Variants in UBR3 observed in about 807,000 individuals in gnomAD.
UBR3 encodes E3 ubiquitin-protein ligase UBR3.
In UBR3, 85 loss-of-function variants were observed where a neutral mutation model predicts 243.2. That is an observed-to-expected ratio of 0.35 (90% confidence interval 0.29 to 0.42). The LOEUF (loss-of-function observed/expected upper bound fraction) is 0.42, where lower values mean the gene tolerates loss of function less well. UBR3 is among the 10% of genes least tolerant of loss of function. The pLI, the probability that UBR3 is intolerant of heterozygous loss-of-function variation, is 1.00. For missense variants in UBR3, 1,686 were observed against 2,300.8 expected, an observed-to-expected ratio of 0.73 and a Z score of 5.47; for synonymous variants, 748 against 799.8, an observed-to-expected ratio of 0.94 and a Z score of 1.09.
At chr2:169,882,131 ATATATT>A (rs1172800866) in intron 5 of UBR3, among the ~76,000 whole-genome samples, 3 of 129,750 alleles carry the variant, frequency 2.3e-5, no homozygotes, top group East Asian at 2.1e-4. Context: ...TATTATATAC[ATATATT>A]TATATTATAT....
chr2:169,995,143 A>T (rs2089433419), intron 26 of UBR3, among the ~76,000 whole-genome samples: 2 of 152,168 alleles, frequency 1.3e-5, no homozygotes, highest in African/African-American at 4.8e-5. Flanking sequence ...TATAAAGTAT[A>T]TGATAATTAT....
At chr2:169,855,596 T>G (rs992081636) in intron 1 of UBR3, among the ~76,000 whole-genome samples, 5 of 152,170 alleles carry the variant, frequency 3.3e-5, no homozygotes, top group Non-Finnish European at 7.3e-5. Context: ...ACAAAGCACA[T>G]CTTGCACCGC....
chr2:170,034,017 GT>G (rs1475823163), intron 31 of UBR3, among the ~76,000 whole-genome samples: 5 of 15,934 alleles, frequency 3.1e-4, no homozygotes, highest in Admixed American at 1.3e-3. Flanking sequence ...ACTTTGGTTT[GT>G]TTTTTTTTTT....
chr2:169,949,860 G>A lies in UBR3; in HGVS notation c.3340G>A (p.Asp1114Asn). Residue 1114 changes from aspartate to asparagine, a missense_variant, in exon 23 of 39, where the codon GAC (aspartate) becomes AAC (asparagine). Asp to Asn is a conservative substitution (Grantham distance 23, BLOSUM62 1). Transcript: ENST00000272793. The stretch of plus-strand genomic sequence containing the variant: ...CTCCTACTATCCTCCTTGGCTTGAT[G>A]ACATAGAAATTTTAATCCAACCAGA... ...QNSYYPPWLDDIEILIQPEIP... is the reference protein window; with the variant it reads ...QNSYYPPWLDNIEILIQPEIP... The A allele has an allele frequency of 1.9e-6, 3 of 1,592,322 alleles. No individual in the cohort carries two copies. Among genetic ancestry groups the A allele is most frequent in the Non-Finnish European group, 2.6e-6 (3 of 1,167,760 alleles).
At position 170,082,085 on chromosome 2, in the gene UBR3, G is replaced by A. The variant is rs1441907085; in HGVS notation, c.*242G>A. 1 of 316,016 alleles carries A rather than the reference G, an allele frequency of 3.2e-6. No homozygotes were observed. Among genetic ancestry groups the A allele is most frequent in the African/African-American group, 2.1e-5 (1 of 46,652 alleles). 19.6% of individuals were successfully genotyped at this position (316,016 alleles called of 1,614,324 possible). ...ATTCTTTAGTGGTCATTTTTTAAGT[G>A]CACAATTAATAAGAAGCACAACTTG... On this transcript the variant is annotated 3_prime_UTR_variant, in exon 39 of 39. Coordinates refer to ENST00000272793, the MANE Select transcript of UBR3 (RefSeq NM_172070.4).
At chr2:170,070,003 TA>T (rs1427691063) in intron 35 of UBR3, among the ~76,000 whole-genome samples, 1 of 152,120 alleles carries the variant, frequency 6.6e-6, no homozygotes, top group African/African-American at 2.4e-5. Flanking sequence ...TGTTATTTTT[TA>T]AAAAAATATT....
chr2:169,975,111 A>G (rs1200439188), intron 24 of UBR3, among the ~76,000 whole-genome samples: 1 of 152,182 alleles, frequency 6.6e-6, no homozygotes, highest in Non-Finnish European at 1.5e-5. Flanking sequence ...TGGAGGTTGC[A>G]GTAAGCAGAG....
chr2:169,902,405 G>C (rs1344737807), intron 8 of UBR3, among the ~76,000 whole-genome samples: 1 of 152,076 alleles, frequency 6.6e-6, no homozygotes, highest in African/African-American at 2.4e-5. Context: ...GAACTCTAAA[G>C]TCCTGACGCT....
At chr2:169,861,391 C>T (rs1404858011) in intron 1 of UBR3, among the ~76,000 whole-genome samples, 3 of 152,126 alleles carry the variant, frequency 2.0e-5, no homozygotes, top group Non-Finnish European at 4.4e-5. Flanking sequence ...GGGTGGATCA[C>T]GAGGTCAGGA....
At chr2:170,041,021 C>G in intron 32 of UBR3, 36 bp downstream of exon 32, 1 of 1,557,952 alleles carries the variant, frequency 6.4e-7, no homozygotes, top group Non-Finnish European at 8.8e-7. Context: ...TGATTATATA[C>G]TATGTATTTT....
chr2:169,861,378 G>A (rs1033086729), intron 1 of UBR3, among the ~76,000 whole-genome samples: 2 of 152,324 alleles, frequency 1.3e-5, no homozygotes, highest in African/African-American at 4.8e-5. Context: ...GGGAGGCCGA[G>A]GCGGGTGGAT....
At chr2:170,036,812 T>C (rs2090843856) in intron 31 of UBR3, among the ~76,000 whole-genome samples, 1 of 152,136 alleles carries the variant, frequency 6.6e-6, no homozygotes. Flanking sequence ...TTGTAATTAC[T>C]TTTCTTGACC....
intron 33 of UBR3, among the ~76,000 whole-genome samples, chr2:170,058,582 C>G (rs1477135054): frequency 2.0e-5 from 3 of 148,090 alleles, no homozygotes; most frequent in Non-Finnish European, 3.0e-5. Context: ...GTGGCATGAT[C>G]ACAGCTCACT....
intron 24 of UBR3, among the ~76,000 whole-genome samples, chr2:169,975,735 G>A (rs80243346): frequency 0.065 from 9,926 of 152,072 alleles, 342 homozygotes; most frequent in Non-Finnish European, 0.084. Context: ...ATTACATGAG[G>A]CTAGGAGTTC....
Position 170,061,398 on chromosome 2 carries a change from C to G in UBR3, c.4974C>G (p.Ser1658Arg). Reference sequence around the variant, plus strand: ...GCTTACCTTTTCTCAGAATCACCAGCCTTCTTCAGCACCACCTTTTTGGGG... The same window carrying G: ...GCTTACCTTTTCTCAGAATCACCAGGCTTCTTCAGCACCACCTTTTTGGGG... Reference protein sequence around the residue: ...DFCLPFLRITSLLQHHLFGED... With the variant: ...DFCLPFLRITRLLQHHLFGED... The change falls in exon 35 of 39, where the codon AGC becomes AGG. Residue 1658 changes from serine (S) to arginine (R), a missense_variant. Around this residue, in one of 8 missense-constraint regions of UBR3, gnomAD observed 371 missense variants for 422.5 expected, o/e 0.88. Coordinates refer to ENST00000272793, the MANE Select transcript of UBR3 (RefSeq NM_172070.4). 4 of 1,614,134 alleles carry G rather than the reference C, an allele frequency of 2.5e-6. No homozygotes were observed. The highest frequency in any genetic ancestry group is 1.7e-6 in the Non-Finnish European group (2 of 1,180,002).
At chr2:169,936,629 G>A (rs932544873) in intron 19 of UBR3, among the ~76,000 whole-genome samples, 9 of 151,714 alleles carry the variant, frequency 5.9e-5, no homozygotes, top group Non-Finnish European at 1.2e-4. Flanking sequence ...CCATTAACTC[G>A]TCATTTACAT....
At chr2:170,003,886 C>T (rs1295471012) in intron 27 of UBR3, among the ~76,000 whole-genome samples, 2 of 152,194 alleles carry the variant, frequency 1.3e-5, no homozygotes, top group African/African-American at 2.4e-5. Context: ...GTGATCCATC[C>T]GCCTCAGCCT....
At chr2:170,010,149 G>C (rs1024233289) in intron 29 of UBR3, among the ~76,000 whole-genome samples, 4 of 152,122 alleles carry the variant, frequency 2.6e-5, no homozygotes, top group African/African-American at 9.7e-5. Context: ...TTTTGGGGAA[G>C]ACATAACATT....
intron 24 of UBR3, chr2:169,964,476 G>C: frequency 2.1e-6 from 1 of 469,340 alleles, no homozygotes; most frequent in Non-Finnish European, 4.4e-6. Flanking sequence ...TTGAATAAGA[G>C]AATGGTCACC....
Sources: gnomAD v4.1 joint callset for allele counts (sites outside exome capture counted in the v4.1 genomes callset) on GRCh38, gnomAD v4.1.1 for gene constraint, gnomAD v4.1.1 regional missense constraint, MANE v1.5 for transcripts, NCBI Gene and HGNC (gene_info 2026-07-23, HGNC 2026-07-21) for gene names.